Variants in NAALADL2 observed in about 807,000 individuals in gnomAD.
NAALADL2 encodes the protein N-acetylated alpha-linked acidic dipeptidase like 2, also known as inactive N-acetylated-alpha-linked acidic dipeptidase-like protein 2.
Under a neutral mutation model 87.2 loss-of-function variants are expected in NAALADL2, and 76 were observed. The observed-to-expected ratio is 0.87, with a 90% confidence interval of 0.72 to 1.05. NAALADL2 has a LOEUF of 1.05. NAALADL2 is among the 50% of genes least tolerant of loss of function. The pLI is 0.00. For missense variants in NAALADL2, 1,089 were observed against 945.8 expected, an observed-to-expected ratio of 1.15 and a Z score of -1.99; for synonymous variants, 354 against 331.0, an observed-to-expected ratio of 1.07 and a Z score of -0.75.
At chr3:175,384,503 G>A (rs1357815818) in intron 5 of NAALADL2, among the ~76,000 whole-genome samples, 5 of 151,836 alleles carry the variant, frequency 3.3e-5, no homozygotes, top group African/African-American at 9.7e-5. Context: ...TATAAATTAG[G>A]TTTTAGTTTC....
chr3:174,753,617 G>A (rs1030288195), intron 3 of NAALADL2, among the ~76,000 whole-genome samples: 1 of 152,160 alleles, frequency 6.6e-6, no homozygotes, highest in Non-Finnish European at 1.5e-5. Context: ...ACAGTGGGGA[G>A]GGGATGGGGG....
chr3:175,529,943 T>C (rs1733879733), intron 9 of NAALADL2, among the ~76,000 whole-genome samples: 1 of 152,108 alleles, frequency 6.6e-6, no homozygotes, highest in African/African-American at 2.4e-5. Flanking sequence ...TGGCACCAGG[T>C]AGCTAATTGA....
At chr3:174,776,396 T>C (rs948040632) in intron 3 of NAALADL2, among the ~76,000 whole-genome samples, 12 of 152,098 alleles carry the variant, frequency 7.9e-5, no homozygotes, top group Admixed American at 6.6e-4. Flanking sequence ...GGTAATAAAC[T>C]TTACAGACTC....
intron 1 of NAALADL2, among the ~76,000 whole-genome samples, chr3:174,927,665 A>G (rs1736278789): frequency 1.3e-5 from 2 of 152,226 alleles, no homozygotes; most frequent in South Asian, 4.1e-4. Context: ...ACCAATGAGA[A>G]CAAAGACACA....
Position 174,745,844 on chromosome 3 carries a change from A to G in NAALADL2, c.-9+8098A>G, listed in dbSNP as rs745448864. ...AAACAGAACTAAAGACAAAAACCAC[A>G]TAATTATCTCAAAGGCCTTCAATAA... On this transcript the variant is annotated intron_variant, in intron 3 of 3. Transcript: ENST00000434257. Among the ~76,000 whole-genome samples the G allele has an allele frequency of 3.7e-4, 57 of 152,140 alleles. 1 individual carries two copies. The highest frequency in any genetic ancestry group is 6.5e-4 in the Non-Finnish European group (44 of 68,006).
chr3:175,366,298 G>T lies in NAALADL2; in HGVS notation c.1090+41973G>T, dbSNP rs557232626. 4.1e-3 allele frequency among the ~76,000 whole-genome samples: 627 copies of T among 151,364 alleles called. 9 individuals carry two copies. The highest frequency in any genetic ancestry group is 0.014 in the African/African-American group (583 of 41,124). ...GTTGGTTCCAAGTCTTTGCTATTGTGAATAGTGCCTCAATAAACATACGTG... is the reference window on the plus strand; with the variant it reads ...GTTGGTTCCAAGTCTTTGCTATTGTTAATAGTGCCTCAATAAACATACGTG... On this transcript the variant is annotated intron_variant, in intron 5 of 13. Transcript: ENST00000454872.
intron 2 of NAALADL2, among the ~76,000 whole-genome samples, chr3:174,671,626 C>T (rs1342344893): frequency 5.1e-4 from 77 of 152,000 alleles, no homozygotes; most frequent in South Asian, 2.1e-4. Context: ...AAATACTATC[C>T]GGGAAAAATC....
intron 2 of NAALADL2, among the ~76,000 whole-genome samples, chr3:174,643,833 AC>A (rs1723505143): frequency 6.6e-6 from 1 of 152,176 alleles, no homozygotes; most frequent in Non-Finnish European, 1.5e-5. Flanking sequence ...ATAATTATAG[AC>A]CCTAAACCTA....
At chr3:175,629,081 T>C (rs1727396588) in intron 11 of NAALADL2, among the ~76,000 whole-genome samples, 2 of 149,936 alleles carry the variant, frequency 1.3e-5, no homozygotes, top group Admixed American at 6.7e-5. Flanking sequence ...AACACCTCCT[T>C]AGTATTCAAA....
chr3:174,488,589 A>C (rs896706155), intron 1 of NAALADL2, among the ~76,000 whole-genome samples: 14 of 152,068 alleles, frequency 9.2e-5, no homozygotes, highest in African/African-American at 3.4e-4. Flanking sequence ...CCAAGAAAGG[A>C]AGACTTCTCA....
chr3:175,529,153 G>T (rs1733785696), intron 9 of NAALADL2, among the ~76,000 whole-genome samples: 1 of 152,168 alleles, frequency 6.6e-6, no homozygotes, highest in African/African-American at 2.4e-5. Flanking sequence ...TGTATTCCAT[G>T]CATACTCTTC....
intron 9 of NAALADL2, among the ~76,000 whole-genome samples, chr3:175,565,564 C>A (rs577455134): frequency 1.3e-5 from 2 of 152,168 alleles, no homozygotes; most frequent in South Asian, 4.2e-4. Flanking sequence ...TCCCTTACCC[C>A]AGCAGAGGCC....
intron 9 of NAALADL2, among the ~76,000 whole-genome samples, chr3:175,538,023 A>G (rs1711567244): frequency 6.6e-6 from 1 of 152,194 alleles, no homozygotes; most frequent in Non-Finnish European, 1.5e-5. Context: ...ATTTTCAGAT[A>G]CCTACATTTT....
chr3:175,585,145 T>G (rs372135581), intron 10 of NAALADL2, among the ~76,000 whole-genome samples: 1 of 151,774 alleles, frequency 6.6e-6, no homozygotes, highest in South Asian at 2.1e-4. Flanking sequence ...TTTTTATAAA[T>G]TATTTATTTA....
intron 1 of NAALADL2, among the ~76,000 whole-genome samples, chr3:175,072,356 T>C (rs1335073583): frequency 1.3e-5 from 2 of 150,200 alleles, no homozygotes; most frequent in African/African-American, 4.9e-5. Context: ...TGATGTAAAT[T>C]CTTAATAAAT....
In NAALADL2 at chr3:175,715,086, A is replaced by G. The variant is rs372404564; in HGVS notation, c.1897-22220A>G. 5.9e-5 allele frequency among the ~76,000 whole-genome samples: 9 copies of G among 152,310 alleles called. No homozygotes were observed. The East Asian group carries it at 1.5e-3, about 26-fold the overall frequency. ...TAATATTCTTTACATTACCATTAAC[A>G]GTAATAATGTATTAATCATACGTGG... On this transcript the variant is annotated intron_variant, in intron 11 of 13. Coordinates refer to ENST00000454872, the MANE Select transcript of NAALADL2 (RefSeq NM_207015.3).
chr3:174,654,961 T>C (rs761385599), intron 2 of NAALADL2, among the ~76,000 whole-genome samples: 3 of 152,148 alleles, frequency 2.0e-5, no homozygotes, highest in Non-Finnish European at 4.4e-5. Flanking sequence ...GGTCTCGATC[T>C]CCTGACCTCT....
intron 11 of NAALADL2, among the ~76,000 whole-genome samples, chr3:175,729,743 T>C (rs184297673): frequency 1.4e-3 from 211 of 150,446 alleles, no homozygotes; most frequent in African/African-American, 4.7e-3. Flanking sequence ...ACAATTAAAC[T>C]CCTTTAAATT....
At chr3:174,489,650 T>TA (rs369209598) in intron 1 of NAALADL2, among the ~76,000 whole-genome samples, 4 of 151,278 alleles carry the variant, frequency 2.6e-5, no homozygotes, top group African/African-American at 7.3e-5. Flanking sequence ...TAAAATGAAA[T>TA]AAAAAAAAGA....
Sources: allele counts gnomAD v4.1 joint callset (sites outside exome capture counted in the v4.1 genomes callset), GRCh38; gene constraint gnomAD v4.1.1; transcripts MANE v1.5; gene names NCBI Gene and HGNC (gene_info 2026-07-23, HGNC 2026-07-21).